Variants in CPQ observed in about 807,000 individuals in gnomAD.
CPQ encodes the protein Ser-Met dipeptidase.
In CPQ, 37 loss-of-function variants were observed where a neutral mutation model predicts 45.7. The observed-to-expected ratio is 0.81, with a 90% CI of 0.62 to 1.07. CPQ has a LOEUF of 1.07. CPQ is among the 50% of genes least tolerant of loss of function. The probability of loss-of-function intolerance (pLI) is 0.00; values close to 1 mark genes in which losing one functional copy is unlikely to be tolerated. For missense variants in CPQ, 537 were observed against 572.9 expected (o/e 0.94, Z 0.64); for synonymous variants, 186 against 205.8 (o/e 0.90, Z 0.82).
At chr8:97,077,218 C>T (rs1200114767) in intron 7 of CPQ, among the ~76,000 whole-genome samples, 2 of 152,170 alleles carry the variant, frequency 1.3e-5, no homozygotes, top group African/African-American at 4.8e-5. Context: ...TCCAACATCA[C>T]TAGTTGCACA....
intron 1 of CPQ, among the ~76,000 whole-genome samples, chr8:96,734,956 C>A (rs778716172): frequency 2.6e-5 from 4 of 152,088 alleles, no homozygotes; most frequent in East Asian, 1.9e-4. Flanking sequence ...TGCTTGTTTG[C>A]ATGCTCTCTC....
intron 2 of CPQ, among the ~76,000 whole-genome samples, chr8:96,806,085 A>G (rs1182538192): frequency 6.6e-6 from 1 of 152,090 alleles, no homozygotes; most frequent in Non-Finnish European, 1.5e-5. Flanking sequence ...GGAATCAGCT[A>G]TCACCAGCAT....
At chr8:96,669,466 G>T (rs982989203) in intron 1 of CPQ, among the ~76,000 whole-genome samples, 10 of 152,144 alleles carry the variant, frequency 6.6e-5, no homozygotes, top group African/African-American at 2.4e-4. Flanking sequence ...CATTGCCCCT[G>T]CAGTAGTGTC....
At chr8:96,692,559 C>T (rs913201516) in intron 1 of CPQ, among the ~76,000 whole-genome samples, 6 of 152,110 alleles carry the variant, frequency 3.9e-5, no homozygotes, top group South Asian at 2.1e-4. Flanking sequence ...AGAATTCTTC[C>T]GGATCTTATC....
At chr8:97,112,480 A>T (rs1299872609) in intron 7 of CPQ, among the ~76,000 whole-genome samples, 1 of 152,214 alleles carries the variant, frequency 6.6e-6, no homozygotes, top group East Asian at 1.9e-4. Context: ...GGGGGCACCC[A>T]GCAACTGAGA....
At chr8:96,854,559 A>AAG (rs71267283) in intron 3 of CPQ, among the ~76,000 whole-genome samples, 1 of 134,744 alleles carries the variant, frequency 7.4e-6, no homozygotes, top group Non-Finnish European at 1.6e-5. Flanking sequence ...AAAAAAAAAA[A>AAG]TGTGGTGGAA....
intron 7 of CPQ, among the ~76,000 whole-genome samples, chr8:97,135,928 A>G (rs892581740): frequency 3.3e-5 from 5 of 152,250 alleles, no homozygotes; most frequent in African/African-American, 1.2e-4. Context: ...CATATGAATG[A>G]GAGTCAACCT....
chr8:97,050,573 C>T (rs1318497389), intron 6 of CPQ, among the ~76,000 whole-genome samples: 1 of 152,056 alleles, frequency 6.6e-6, no homozygotes, highest in East Asian at 1.9e-4. Flanking sequence ...TGCAAAAAAT[C>T]AGAAAAACAA....
intron 1 of CPQ, among the ~76,000 whole-genome samples, chr8:96,783,453 G>A (rs576047700): frequency 6.6e-6 from 1 of 152,160 alleles, no homozygotes; most frequent in Admixed American, 6.6e-5. Flanking sequence ...GGGCAAAGAG[G>A]GGATGAGAGA....
chr8:96,821,259 C>T lies in CPQ; in HGVS notation c.434-13714C>T, dbSNP rs889247299. On this transcript the variant is annotated intron_variant, in intron 2 of 7. Coordinates refer to ENST00000220763, the MANE Select transcript of CPQ (RefSeq NM_016134.4). Reference sequence around the variant, plus strand: ...TCTGTGTGTTGTCTTTTCACTTTGTCGATTGTTTGCTGTGCAGAAGCTTTT... The same window carrying T: ...TCTGTGTGTTGTCTTTTCACTTTGTTGATTGTTTGCTGTGCAGAAGCTTTT... Among the ~76,000 whole-genome samples the T allele has an allele frequency of 1.5e-4, 22 of 147,642 alleles. No individual in the cohort carries two copies. In the East Asian group the frequency reaches 4.1e-3, roughly 27 times the overall value.
At chr8:96,700,566 C>T (rs1329751044) in intron 1 of CPQ, among the ~76,000 whole-genome samples, 1 of 151,560 alleles carries the variant, frequency 6.6e-6, no homozygotes, top group Non-Finnish European at 1.5e-5. Flanking sequence ...ACTGCATGCA[C>T]CTTCTGGGTA....
chr8:97,028,986 C>T (rs1438174747), intron 5 of CPQ, among the ~76,000 whole-genome samples: 2 of 152,120 alleles, frequency 1.3e-5, no homozygotes, highest in Non-Finnish European at 2.9e-5. Flanking sequence ...CATGGCTTAT[C>T]CTGAAGTAGA....
Position 96,699,975 on chromosome 8 carries a change from G to A in CPQ, c.-35+54573G>A, listed in dbSNP as rs1054607466. Among the ~76,000 whole-genome samples, 9 of 152,130 alleles carry A rather than the reference G, an allele frequency of 5.9e-5. No homozygotes were observed. The East Asian group carries it at 1.3e-3, about 23-fold the overall frequency. Reference sequence around the variant, plus strand: ...AATGTTGTGTTTCCCTCCCTTTCCCGTGGGGGCTTCCTGCCTACTTCAAAG... The same window carrying A: ...AATGTTGTGTTTCCCTCCCTTTCCCATGGGGGCTTCCTGCCTACTTCAAAG... On this transcript the variant is annotated intron_variant, in intron 1 of 7. Coordinates refer to ENST00000220763, the MANE Select transcript of CPQ (RefSeq NM_016134.4).
In CPQ at chr8:97,112,684, C is replaced by T. The variant is rs186393227; in HGVS notation, c.1256-30336C>T. Among the ~76,000 whole-genome samples the T allele has an allele frequency of 1.5e-3, 221 of 152,250 alleles. 1 individual carries two copies. Among genetic ancestry groups the T allele is most frequent in the African/African-American group, 4.9e-3 (202 of 41,540 alleles). On this transcript the variant is annotated intron_variant, in intron 7 of 7. Coordinates refer to ENST00000220763, the MANE Select transcript of CPQ (RefSeq NM_016134.4). ...GCATCCCTTTTGTGTTTGCAAAGGC[C>T]GTGCTGCAGCAGCACTGACAGCATG...
At chr8:96,795,094 C>A (rs771618762) in intron 2 of CPQ, among the ~76,000 whole-genome samples, 3 of 152,162 alleles carry the variant, frequency 2.0e-5, no homozygotes, top group Admixed American at 6.6e-5. Context: ...TTCAGCAGCG[C>A]CCCAGTCTAC....
Position 97,041,264 on chromosome 8 carries a change from C to A in CPQ, c.1053+11770C>A, listed in dbSNP as rs1205360484. ...TAAAGCAATTGTGAATGGGAGTTCACTCATGATTTGGCTCTCTGTTTGTCT... is the reference window on the plus strand; with the variant it reads ...TAAAGCAATTGTGAATGGGAGTTCAATCATGATTTGGCTCTCTGTTTGTCT... On this transcript the variant is annotated intron_variant, in intron 6 of 7. Coordinates refer to ENST00000220763, the MANE Select transcript of CPQ (RefSeq NM_016134.4). 3.3e-5 allele frequency among the ~76,000 whole-genome samples: 5 copies of A among 152,046 alleles called. No homozygotes were observed. The South Asian group carries it at 1.0e-3, about 32-fold the overall frequency.
intron 5 of CPQ, among the ~76,000 whole-genome samples, chr8:97,011,241 T>C (rs891716319): frequency 6.6e-6 from 1 of 152,212 alleles, no homozygotes; most frequent in African/African-American, 2.4e-5. Flanking sequence ...TGCTTATCTC[T>C]ATCAGCCAAG....
At chr8:96,868,192 G>A (rs564044967) in intron 3 of CPQ, among the ~76,000 whole-genome samples, 49 of 152,162 alleles carry the variant, frequency 3.2e-4, no homozygotes, top group African/African-American at 1.2e-3. Flanking sequence ...GGCCTGGGAT[G>A]GATAGGTAAT....
intron 2 of CPQ, among the ~76,000 whole-genome samples, chr8:96,792,255 G>T (rs182983754): frequency 1.2e-3 from 178 of 152,282 alleles, no homozygotes; most frequent in Admixed American, 2.6e-3. Flanking sequence ...AATCAGTCCT[G>T]AGATAACATA....
Sources: allele counts gnomAD v4.1 joint callset (sites outside exome capture counted in the v4.1 genomes callset), GRCh38; gene constraint gnomAD v4.1.1; transcripts MANE v1.5; gene names NCBI Gene and HGNC (gene_info 2026-07-23, HGNC 2026-07-21).